The following SEMA3A variants were observed in gnomAD, a reference collection of about 807,000 sequenced individuals.
SEMA3A encodes semaphorin-3A.
SEMA3A carries 29 observed loss-of-function variants against 97.9 expected under a neutral mutation model. The observed-to-expected ratio is 0.30, with a 90% CI of 0.22 to 0.40. The LOEUF (loss-of-function observed/expected upper bound fraction) is 0.40. Among genes scored for constraint, SEMA3A ranks in the 10% least tolerant of loss-of-function variants. SEMA3A has a pLI of 1.00. For synonymous variants in SEMA3A, 321 were observed against 323.7 expected, an observed-to-expected ratio of 0.99 and a Z score of 0.09; for missense variants, 763 against 951.3, an observed-to-expected ratio of 0.80 and a Z score of 2.60.
intron 1 of SEMA3A, among the ~76,000 whole-genome samples, chr7:84,437,375 T>G (rs923927054): frequency 1.3e-5 from 2 of 152,036 alleles, no homozygotes; most frequent in Non-Finnish European, 2.9e-5. Flanking sequence ...AATGTTTATT[T>G]CCAGTTAATA....
chr7:84,201,578 C>CA (rs1798358965), intron 3 of SEMA3A, among the ~76,000 whole-genome samples: 1 of 152,006 alleles, frequency 6.6e-6, no homozygotes, highest in Non-Finnish European at 1.5e-5. Context: ...AAGCAGCTGT[C>CA]ACCTTATGGA....
intron 1 of SEMA3A, among the ~76,000 whole-genome samples, chr7:84,150,972 A>T (rs1339616173): frequency 2.7e-5 from 4 of 149,542 alleles, no homozygotes; most frequent in South Asian, 2.2e-4. Context: ...ACCCCCCAGC[A>T]GGGGCACACT....
At chr7:83,968,772 C>CTTT (rs1333086512) in intron 15 of SEMA3A, among the ~76,000 whole-genome samples, 1 of 136,406 alleles carries the variant, frequency 7.3e-6, no homozygotes, top group African/African-American at 2.7e-5. Flanking sequence ...TTTTATAACC[C>CTTT]TTTTTTTTCT....
At chr7:84,070,470 T>A (rs576947702) in intron 4 of SEMA3A, among the ~76,000 whole-genome samples, 1 of 152,250 alleles carries the variant, frequency 6.6e-6, no homozygotes, top group East Asian at 1.9e-4. Context: ...GTAACAAAGT[T>A]GTAATTTTAG....
At chr7:84,049,170 A>G (rs1792485393) in intron 5 of SEMA3A, among the ~76,000 whole-genome samples, 1 of 152,110 alleles carries the variant, frequency 6.6e-6, no homozygotes, top group Non-Finnish European at 1.5e-5. Context: ...CAGTTTAGGC[A>G]CCAGTTGCCT....
At chr7:84,266,673 G>C (rs1183799625) in intron 3 of SEMA3A, among the ~76,000 whole-genome samples, 1 of 152,242 alleles carries the variant, frequency 6.6e-6, no homozygotes, top group East Asian at 1.9e-4. Flanking sequence ...ATAAATGGAA[G>C]GAAATCGCTT....
chr7:84,149,397 AC>A (rs1796560081), intron 1 of SEMA3A, among the ~76,000 whole-genome samples: 1 of 152,142 alleles, frequency 6.6e-6, no homozygotes, highest in African/African-American at 2.4e-5. Context: ...TTGGTTTAAG[AC>A]CCTTAAGGAC....
chr7:84,326,805 T>C (rs1208469204), intron 2 of SEMA3A, among the ~76,000 whole-genome samples: 1 of 151,970 alleles, frequency 6.6e-6, no homozygotes, highest in East Asian at 1.9e-4. Context: ...CCTTACATCA[T>C]ATACAAAAAT....
intron 1 of SEMA3A, among the ~76,000 whole-genome samples, chr7:84,424,642 A>G (rs867462386): frequency 0.013 from 1,270 of 94,468 alleles, 61 homozygotes; most frequent in African/African-American, 0.052. Flanking sequence ...TACAATATAT[A>G]TTATATTTAT....
chr7:84,407,429 G>A (rs906847492), intron 1 of SEMA3A, among the ~76,000 whole-genome samples: 13 of 152,030 alleles, frequency 8.6e-5, no homozygotes, highest in Non-Finnish European at 1.3e-4. Flanking sequence ...CCATGCTCAT[G>A]GGTAGGAAGA....
intron 14 of SEMA3A, among the ~76,000 whole-genome samples, chr7:83,979,182 G>T: frequency 6.8e-6 from 1 of 148,134 alleles, no homozygotes. Flanking sequence ...CACCCAGGCT[G>T]GAGTGCAGCG....
At chr7:84,273,555 G>A (rs1053846631) in intron 3 of SEMA3A, among the ~76,000 whole-genome samples, 2 of 152,030 alleles carry the variant, frequency 1.3e-5, no homozygotes, top group South Asian at 2.1e-4. Flanking sequence ...TTTCCCCAAA[G>A]CATATTAGAA....
At chr7:84,085,973 A>G (rs187061285) in intron 4 of SEMA3A, among the ~76,000 whole-genome samples, 24 of 152,264 alleles carry the variant, frequency 1.6e-4, no homozygotes, top group Non-Finnish European at 2.5e-4. Flanking sequence ...TGTTGGACAC[A>G]TTGTAAGAGT....
chr7:84,431,515 A>G (rs1804980075), intron 1 of SEMA3A, among the ~76,000 whole-genome samples: 1 of 152,014 alleles, frequency 6.6e-6, no homozygotes, highest in Non-Finnish European at 1.5e-5. Flanking sequence ...ATTTTACTAG[A>G]TTTGAATTGC....
chr7:84,445,909 C>T (rs959382688), intron 1 of SEMA3A, among the ~76,000 whole-genome samples: 1 of 151,476 alleles, frequency 6.6e-6, no homozygotes. Flanking sequence ...AGCAATAAAA[C>T]CAAAAGTTTA....
intron 4 of SEMA3A, among the ~76,000 whole-genome samples, chr7:84,095,358 C>CATATATATATATATAT (rs200107086): frequency 3.7e-4 from 45 of 122,864 alleles, no homozygotes; most frequent in East Asian, 8.9e-4. Context: ...TTTTTATATA[C>CATATATATATATATAT]ATATATATAT....
chr7:84,266,274 T>A (rs182163329), intron 3 of SEMA3A, among the ~76,000 whole-genome samples: 1 of 121,128 alleles, frequency 8.3e-6, no homozygotes, highest in Non-Finnish European at 1.6e-5. Context: ...TGAGTCAAGA[T>A]CATGCCACTG....
chr7:84,271,098 A>G (rs1490987606), intron 3 of SEMA3A, among the ~76,000 whole-genome samples: 1 of 152,098 alleles, frequency 6.6e-6, no homozygotes, highest in African/African-American at 2.4e-5. Context: ...TATTGTGGAC[A>G]ATATCATCTT....
chr7:84,353,451 G>C (rs1428725175), intron 2 of SEMA3A, among the ~76,000 whole-genome samples: 1 of 151,564 alleles, frequency 6.6e-6, no homozygotes, highest in African/African-American at 2.4e-5. Flanking sequence ...AATAAAAAAA[G>C]AATGTGATCC....
Sources: allele counts gnomAD v4.1 joint callset (sites outside exome capture counted in the v4.1 genomes callset), GRCh38; gene constraint gnomAD v4.1.1; transcripts MANE v1.5; gene names NCBI Gene and HGNC (gene_info 2026-07-23, HGNC 2026-07-21).